The following NT5DC1 variants were observed in gnomAD, a reference collection of about 807,000 sequenced individuals.
The protein encoded by NT5DC1 is 5'-nucleotidase domain containing 1.
Under a neutral mutation model 59.4 loss-of-function variants are expected in NT5DC1, and 42 were observed. That is an observed-to-expected ratio of 0.71 (90% CI 0.55 to 0.92). NT5DC1 has a LOEUF of 0.92. NT5DC1 is among the 40% of genes least tolerant of loss of function. The pLI, the probability that NT5DC1 is intolerant of heterozygous loss-of-function variation, is 0.00. For synonymous variants in NT5DC1, 172 were observed against 188.1 expected (o/e 0.91, Z 0.70); for missense variants, 501 against 537.1 (o/e 0.93, Z 0.66).
rs764863859 is a variant in NT5DC1 at position 116,121,484 on chromosome 6, G to A, written c.529+3539G>A. The A allele has an allele frequency of 5.6e-6, 9 of 1,614,122 alleles. No homozygotes were observed. In the South Asian group the frequency reaches 8.8e-5, roughly 16 times the overall value. The stretch of plus-strand genomic sequence containing the variant: ...CACTCCAGGAGGGCCAGATGGTCCT[G>A]TGGGACCCTGAGGGCCTGGAAGACC... On this transcript the variant is annotated intron_variant, in intron 6 of 11. Coordinates refer to ENST00000319550, the MANE Select transcript of NT5DC1 (RefSeq NM_152729.3).
At chr6:116,159,502 T>TA (rs1455580098) in intron 6 of NT5DC1, among the ~76,000 whole-genome samples, 2 of 152,340 alleles carry the variant, frequency 1.3e-5, no homozygotes, top group Admixed American at 1.3e-4. Flanking sequence ...TTTTCACCAT[T>TA]ATATCTGTCG....
At chr6:116,120,615 A>G (rs934903944) in intron 6 of NT5DC1, 3 of 1,566,434 alleles carry the variant, frequency 1.9e-6, no homozygotes, top group Non-Finnish European at 2.6e-6. Context: ...GGCTCTCCAG[A>G]GTGGCCTCTT....
At chr6:116,145,686 T>C (rs1024560319) in intron 6 of NT5DC1, among the ~76,000 whole-genome samples, 1 of 152,272 alleles carries the variant, frequency 6.6e-6, no homozygotes, top group African/African-American at 2.4e-5. Flanking sequence ...AAAATCAAAT[T>C]TGTATCTTCC....
intron 6 of NT5DC1, among the ~76,000 whole-genome samples, chr6:116,174,785 A>G (rs1780695861): frequency 6.6e-6 from 1 of 152,136 alleles, no homozygotes; most frequent in Non-Finnish European, 1.5e-5. Context: ...CAATTCTACC[A>G]CTTGCTTTGC....
intron 6 of NT5DC1, among the ~76,000 whole-genome samples, chr6:116,141,912 AC>A (rs1562135717): frequency 4.0e-5 from 6 of 151,626 alleles, no homozygotes; most frequent in African/African-American, 1.5e-4. Flanking sequence ...ACACACACAC[AC>A]ACACACACAC....
chr6:116,177,002 C>T lies in NT5DC1; in HGVS notation c.530-44052C>T, dbSNP rs184773186. Among the ~76,000 whole-genome samples the T allele has an allele frequency of 7.9e-5, 12 of 152,260 alleles. No individual in the cohort carries two copies. The East Asian group carries it at 2.1e-3, about 27-fold the overall frequency. ...GTTCTTTATCTTACTGAATTGAAGA[C>T]TAGGGCACATATATGCTACAAAATG... On this transcript the variant is annotated intron_variant, in intron 6 of 11. Coordinates refer to ENST00000319550, the MANE Select transcript of NT5DC1 (RefSeq NM_152729.3).
At chr6:116,212,940 A>C (rs890823945) in intron 6 of NT5DC1, among the ~76,000 whole-genome samples, 2 of 152,052 alleles carry the variant, frequency 1.3e-5, no homozygotes, top group Non-Finnish European at 2.9e-5. Flanking sequence ...TGCAGTAGAA[A>C]CCTTTGAGTT....
chr6:116,241,832 A>G (rs1002607489), intron 11 of NT5DC1, among the ~76,000 whole-genome samples: 5 of 148,888 alleles, frequency 3.4e-5, no homozygotes, highest in Non-Finnish European at 7.4e-5. Context: ...CCGAGGCAGG[A>G]GAATGGCATG....
chr6:116,182,836 G>T (rs1399771752), intron 6 of NT5DC1, among the ~76,000 whole-genome samples: 3 of 151,992 alleles, frequency 2.0e-5, no homozygotes, highest in African/African-American at 7.2e-5. Context: ...CACTCTGTGG[G>T]TTGTCTGTTT....
intron 6 of NT5DC1, among the ~76,000 whole-genome samples, chr6:116,129,408 T>C (rs1779409729): frequency 6.6e-6 from 1 of 152,236 alleles, no homozygotes. Flanking sequence ...GTAACAGTTT[T>C]GGCAAGTGGG....
intron 6 of NT5DC1, among the ~76,000 whole-genome samples, chr6:116,183,885 C>T (rs1248670915): frequency 6.6e-6 from 1 of 151,902 alleles, no homozygotes; most frequent in African/African-American, 2.4e-5. Flanking sequence ...TTTGGATACC[C>T]TTTAGTTCTT....
intron 2 of NT5DC1, among the ~76,000 whole-genome samples, chr6:116,107,945 A>G (rs1442585969): frequency 6.6e-6 from 1 of 152,242 alleles, no homozygotes; most frequent in East Asian, 1.9e-4. Flanking sequence ...GACGAATTCT[A>G]GAGTGTAGGA....
intron 1 of NT5DC1, 85 bp downstream of exon 1, chr6:116,101,108 G>C: frequency 1.0e-6 from 1 of 993,702 alleles, no homozygotes; most frequent in Admixed American, 2.5e-5. Flanking sequence ...GGGCAACGGC[G>C]GACGCTGCCC....
At chr6:116,174,235 T>C (rs1329552617) in intron 6 of NT5DC1, among the ~76,000 whole-genome samples, 1 of 152,142 alleles carries the variant, frequency 6.6e-6, no homozygotes, top group Non-Finnish European at 1.5e-5. Flanking sequence ...GCATACTCCG[T>C]TTTTTGAAAG....
chr6:116,212,605 T>C (rs1448893391), intron 6 of NT5DC1, among the ~76,000 whole-genome samples: 1 of 152,148 alleles, frequency 6.6e-6, no homozygotes, highest in Non-Finnish European at 1.5e-5. Context: ...TGTGATAAAA[T>C]TTGATCTTTA....
At chr6:116,172,980 C>G (rs1398816657) in intron 6 of NT5DC1, among the ~76,000 whole-genome samples, 1 of 152,080 alleles carries the variant, frequency 6.6e-6, no homozygotes, top group Non-Finnish European at 1.5e-5. Context: ...CTTGAGATAT[C>G]TTAATTTTTT....
chr6:116,152,894 G>T (rs186463105), intron 6 of NT5DC1, among the ~76,000 whole-genome samples: 1 of 151,806 alleles, frequency 6.6e-6, no homozygotes, highest in Non-Finnish European at 1.5e-5. Context: ...CTATGATGTC[G>T]CCAGAGAAAA....
At chr6:116,124,448 T>G (rs191650119) in intron 6 of NT5DC1, among the ~76,000 whole-genome samples, 1 of 152,246 alleles carries the variant, frequency 6.6e-6, no homozygotes, top group African/African-American at 2.4e-5. Flanking sequence ...ACATATATTA[T>G]CTCAGTAATC....
chr6:116,163,141 A>AAAAATATATATAT lies in NT5DC1; in HGVS notation c.529+45197_529+45198insAAATATATATATA, dbSNP rs761718922. On this transcript the variant is annotated intron_variant, in intron 6 of 11. Coordinates refer to ENST00000319550, the MANE Select transcript of NT5DC1 (RefSeq NM_152729.3). ...GACTCCGTCTCAAAAAAAAAAAAAA[A>AAAAATATATATAT]ATATATATATATATATATATATTAG... is the stretch of plus-strand genomic sequence containing the variant. Among the ~76,000 whole-genome samples the AAAAATATATATAT allele has an allele frequency of 2.0e-3, 178 of 88,314 alleles. 2 individuals are homozygous for AAAAATATATATAT. The highest frequency in any genetic ancestry group is 8.9e-3 in the African/African-American group (153 of 17,276). The allele number at this position is 88,314 out of a possible 152,430, so 57.9% of individuals were successfully genotyped here.
Sources: allele counts gnomAD v4.1 joint callset (sites outside exome capture counted in the v4.1 genomes callset), GRCh38; gene constraint gnomAD v4.1.1; transcripts MANE v1.5; gene names NCBI Gene and HGNC (gene_info 2026-07-23, HGNC 2026-07-21).